ARHGAP21: variants seen among roughly 807,000 people sequenced by gnomAD.
ARHGAP21 encodes the protein rho GTPase-activating protein 21.
ARHGAP21 carries 38 observed loss-of-function variants against 164.6 expected under a neutral mutation model. The ratio of observed to expected loss-of-function variants is 0.23; its 90% CI spans 0.18 to 0.30. The LOEUF is 0.30. Among genes scored for constraint, ARHGAP21 ranks in the 10% least tolerant of loss-of-function variants. The pLI, the probability that ARHGAP21 is intolerant of heterozygous loss-of-function variation, is 1.00. For synonymous variants in ARHGAP21, 766 were observed against 857.9 expected (o/e 0.89, Z 1.87); for missense variants, 1,822 against 2,370.7 (o/e 0.77, Z 4.81).
At chr10:24,595,508 A>T (rs1460827845) in intron 19 of ARHGAP21, among the ~76,000 whole-genome samples, 6 of 152,224 alleles carry the variant, frequency 3.9e-5, no homozygotes, top group Non-Finnish European at 5.9e-5. Context: ...CAATAATATT[A>T]ATTTGGCTGC....
chr10:24,593,005 T>TAAATCTTATA (rs963743440), intron 21 of ARHGAP21, among the ~76,000 whole-genome samples: 1 of 152,198 alleles, frequency 6.6e-6, no homozygotes, highest in African/African-American at 2.4e-5. Flanking sequence ...TTTCCTTCAT[T>TAAATCTTATA]AAATCTTATA....
At chr10:24,601,321 T>C (rs1004940027) in intron 13 of ARHGAP21, among the ~76,000 whole-genome samples, 4 of 152,128 alleles carry the variant, frequency 2.6e-5, no homozygotes, top group Non-Finnish European at 1.5e-5. Flanking sequence ...ACTGCAGGAG[T>C]TCTCCAACAA....
At position 24,695,067 on chromosome 10, in the gene ARHGAP21, A is replaced by C. The variant is rs896737647; in HGVS notation, c.64-24670T>G. ...TTCCATCTCAAAAAAAAAAAAAAAA[A>C]AAAAAAAAAAAAAAAAAAAAAAAAA... On this transcript the variant is annotated intron_variant, in intron 2 of 25. Transcript: ENST00000396432. Among the ~76,000 whole-genome samples, 63 of 10,866 alleles carry C rather than the reference A, an allele frequency of 5.8e-3. 1 individual carries two copies. Among genetic ancestry groups the C allele is most frequent in the African/African-American group, 7.7e-3 (21 of 2,730 alleles). 7.1% of individuals were successfully genotyped at this position (10,866 alleles called of 152,430 possible).
intron 2 of ARHGAP21, among the ~76,000 whole-genome samples, chr10:24,719,489 C>T (rs913347005): frequency 7.2e-5 from 11 of 152,132 alleles, no homozygotes; most frequent in African/African-American, 2.7e-4. Flanking sequence ...ACAGAGACTC[C>T]TGTTAATTCA....
intron 9 of ARHGAP21, among the ~76,000 whole-genome samples, chr10:24,610,686 G>A (rs2077219512): frequency 6.6e-6 from 1 of 152,074 alleles, no homozygotes; most frequent in Non-Finnish European, 1.5e-5. Flanking sequence ...AACTTTCACT[G>A]TTTATTGCTT....
chr10:24,618,203 T>C (rs1040682104), intron 9 of ARHGAP21, among the ~76,000 whole-genome samples: 3 of 152,352 alleles, frequency 2.0e-5, no homozygotes, highest in East Asian at 3.9e-4. Flanking sequence ...TGTATTGTTG[T>C]GCTATACATT....
At chr10:24,632,310 T>C (rs1386443455) in intron 6 of ARHGAP21, among the ~76,000 whole-genome samples, 1 of 152,178 alleles carries the variant, frequency 6.6e-6, no homozygotes. Context: ...TTTTAAGTTA[T>C]GGGCTGACAA....
At chr10:24,711,065 G>C (rs1181463605) in intron 2 of ARHGAP21, among the ~76,000 whole-genome samples, 1 of 127,724 alleles carries the variant, frequency 7.8e-6, no homozygotes, top group African/African-American at 3.0e-5. Flanking sequence ...CTGCACTCCA[G>C]CCTGGGCAAT....
chr10:24,649,606 A>G (rs960365010), intron 4 of ARHGAP21, among the ~76,000 whole-genome samples: 4 of 152,224 alleles, frequency 2.6e-5, no homozygotes, highest in African/African-American at 9.6e-5. Context: ...GTCCCTGGAC[A>G]AAAGCAAACA....
intron 2 of ARHGAP21, among the ~76,000 whole-genome samples, chr10:24,677,007 G>A (rs980959904): frequency 2.0e-5 from 3 of 152,046 alleles, no homozygotes; most frequent in African/African-American, 7.3e-5. Context: ...TTCGAGATCA[G>A]CCTGGCCAAA....
chr10:24,643,073 A>T (rs1288831209), intron 4 of ARHGAP21, among the ~76,000 whole-genome samples: 2 of 152,194 alleles, frequency 1.3e-5, no homozygotes, highest in African/African-American at 4.8e-5. Context: ...GTACAGTACC[A>T]CTAGGTGTCG....
chr10:24,636,032 CG>C (rs943033031), intron 4 of ARHGAP21, among the ~76,000 whole-genome samples: 1 of 152,170 alleles, frequency 6.6e-6, no homozygotes, highest in African/African-American at 2.4e-5. Flanking sequence ...TGATCAACCC[CG>C]TAAGTCAGAA....
At chr10:24,675,098 G>A (rs1340315319) in intron 2 of ARHGAP21, among the ~76,000 whole-genome samples, 4 of 152,106 alleles carry the variant, frequency 2.6e-5, no homozygotes, top group Admixed American at 1.3e-4. Flanking sequence ...GAAAGCATAC[G>A]TCAACAGAAA....
chr10:24,644,854 T>C (rs541425568), intron 4 of ARHGAP21, among the ~76,000 whole-genome samples: 1 of 152,312 alleles, frequency 6.6e-6, no homozygotes, highest in South Asian at 2.1e-4. Flanking sequence ...AATTATAACA[T>C]ATAAAATGAC....
At chr10:24,666,922 TAAAG>T in intron 4 of ARHGAP21, 59 bp downstream of exon 4, 1 of 1,211,856 alleles carries the variant, frequency 8.3e-7, no homozygotes, top group Non-Finnish European at 1.2e-6. Flanking sequence ...TAGTATCACT[TAAAG>T]AACAGAAAGA....
chr10:24,702,291 T>C (rs1017090147), intron 2 of ARHGAP21, among the ~76,000 whole-genome samples: 2 of 151,466 alleles, frequency 1.3e-5, no homozygotes, highest in African/African-American at 4.9e-5. Context: ...CCATCACGCC[T>C]GGCTAATTTT....
intron 2 of ARHGAP21, among the ~76,000 whole-genome samples, chr10:24,717,220 C>T (rs1008055771): frequency 1.6e-4 from 24 of 152,138 alleles, no homozygotes; most frequent in African/African-American, 5.3e-4. Context: ...GAGGTGACAA[C>T]GAGGAAGGAA....
At chr10:24,594,450 G>A (rs190120493) in intron 21 of ARHGAP21, among the ~76,000 whole-genome samples, 1 of 151,926 alleles carries the variant, frequency 6.6e-6, no homozygotes. Context: ...GACTAGCCTG[G>A]GCAACATGGT....
chr10:24,701,614 C>T (rs1176196491), intron 2 of ARHGAP21, among the ~76,000 whole-genome samples: 1 of 152,046 alleles, frequency 6.6e-6, no homozygotes, highest in Non-Finnish European at 1.5e-5. Flanking sequence ...CTGAGATGAA[C>T]AGCAAAGGAG....
Sources: gnomAD v4.1 joint callset for allele counts (sites outside exome capture counted in the v4.1 genomes callset) on GRCh38, gnomAD v4.1.1 for gene constraint, MANE v1.5 for transcripts, NCBI Gene and HGNC (gene_info 2026-07-23, HGNC 2026-07-21) for gene names.